The following SLC4A4 variants were observed in gnomAD, a reference collection of about 807,000 sequenced individuals.
SLC4A4 encodes the protein electrogenic sodium bicarbonate cotransporter 1.
SLC4A4 carries 27 observed loss-of-function variants against 111.5 expected under a neutral mutation model. That is an observed-to-expected ratio of 0.24 (90% confidence interval 0.18 to 0.33). The LOEUF (loss-of-function observed/expected upper bound fraction) is 0.33, where lower values mean the gene tolerates loss of function less well. Among genes scored for constraint, SLC4A4 ranks in the 10% least tolerant of loss-of-function variants. The pLI is 1.00. For missense variants in SLC4A4, 909 were observed against 1,315.5 expected (o/e 0.69, Z 4.78); for synonymous variants, 443 against 463.4 (o/e 0.96, Z 0.57).
At chr4:71,547,346 G>A (rs749717213) in intron 19 of SLC4A4, among the ~76,000 whole-genome samples, 1 of 152,002 alleles carries the variant, frequency 6.6e-6, no homozygotes, top group Non-Finnish European at 1.5e-5. Context: ...AAAGAGTCCA[G>A]TAATTGATGG....
chr4:71,519,002 G>A (rs751120088), intron 16 of SLC4A4, among the ~76,000 whole-genome samples: 1 of 152,176 alleles, frequency 6.6e-6, no homozygotes, highest in African/African-American at 2.4e-5. Context: ...CCCTCTCCAG[G>A]ATGTGTTGCC....
rs1361157050 is a variant in SLC4A4, at chr4:71,570,861, T to C, written c.*3110T>C. ...TGAATACTTGGAATTCTAATTGTTT[T>C]GTGTGCCAGGGGCAGTAATGTCCCT... On this transcript the variant is annotated 3_prime_UTR_variant, in exon 26 of 26. Transcript: ENST00000264485. The C allele has an allele frequency of 6.6e-6, 1 of 151,952 alleles. No individual in the cohort carries two copies. Among genetic ancestry groups the C allele is most frequent in the African/African-American group, 2.4e-5 (1 of 41,394 alleles). The allele number at this position is 151,952 out of a possible 1,614,324, so 9.4% of individuals were successfully genotyped here. A position where few individuals can be genotyped will look rare whatever the true frequency, so the allele number is the denominator to read the frequency against.
At chr4:71,526,749 G>C (rs1733454460) in intron 16 of SLC4A4, among the ~76,000 whole-genome samples, 1 of 152,146 alleles carries the variant, frequency 6.6e-6, no homozygotes, top group Admixed American at 6.6e-5. Flanking sequence ...GCCTCAGTGG[G>C]CTAAAATCAA....
chr4:71,357,304 A>G, intron 6 of SLC4A4, 117 bp downstream of exon 6: 1 of 989,066 alleles, frequency 1.0e-6, no homozygotes, highest in East Asian at 2.4e-5. Flanking sequence ...TTGAGTTCAT[A>G]TGCCATAGTC....
At position 71,497,534 on chromosome 4, in the gene SLC4A4, T is replaced by A. The variant is rs1239725774; in HGVS notation, c.2008T>A (p.Ser670Thr). 2 of 1,613,598 alleles carry A rather than the reference T, an allele frequency of 1.2e-6. No homozygotes were observed. Among genetic ancestry groups the A allele is most frequent in the Non-Finnish European group, 1.7e-6 (2 of 1,179,774 alleles). Residue 670 changes from serine to threonine, a missense_variant, in exon 16 of 26, where the codon TCG (serine) becomes ACG (threonine). Ser to Thr is a moderately conservative substitution (Grantham distance 58). Coordinates refer to ENST00000264485, the MANE Select transcript of SLC4A4 (RefSeq NM_001098484.3). ...TACTACCTTTGACTGGGCATTTTTG[T>A]CGAAGAAGGAGTGTTCAAAATACGG... Reference protein sequence around the residue: ...HNTTFDWAFLSKKECSKYGGN... With the variant: ...HNTTFDWAFLTKKECSKYGGN...
In SLC4A4 at chr4:71,117,589, A is replaced by T. The variant is rs557382809; in HGVS notation, c.-2+24797A>T. 2.3e-4 allele frequency among the ~76,000 whole-genome samples: 35 copies of T among 152,294 alleles called. No individual in the cohort carries two copies. The East Asian group carries it at 6.2e-3, about 27-fold the overall frequency. On this transcript the variant is annotated intron_variant, in intron 2 of 26. Coordinates refer to the SLC4A4 transcript ENST00000649996. ...CTCTTTCCTCTAGAGACTTCTCTAA[A>T]ATGAAAGTAAAGAATAAAAACTCTT...
intron 16 of SLC4A4, among the ~76,000 whole-genome samples, chr4:71,531,010 G>T (rs7683903): frequency 6.6e-6 from 1 of 152,028 alleles, no homozygotes; most frequent in East Asian, 1.9e-4. Flanking sequence ...GACATGAATT[G>T]TATCGGTTTT....
chr4:71,324,547 C>T (rs765545670), intron 3 of SLC4A4, among the ~76,000 whole-genome samples: 3 of 151,888 alleles, frequency 2.0e-5, no homozygotes, highest in African/African-American at 4.8e-5. Context: ...GGCTTAGCAG[C>T]GTTTTAAAAA....
At chr4:71,413,394 C>T (rs1455527538) in intron 7 of SLC4A4, among the ~76,000 whole-genome samples, 3 of 152,170 alleles carry the variant, frequency 2.0e-5, no homozygotes, top group Non-Finnish European at 4.4e-5. Context: ...TGTTTTACCT[C>T]AACTGTCTTT....
At chr4:71,488,682 G>A (rs1729629372) in intron 15 of SLC4A4, among the ~76,000 whole-genome samples, 2 of 151,724 alleles carry the variant, frequency 1.3e-5, no homozygotes, top group South Asian at 4.1e-4. Flanking sequence ...GATTTGAAGT[G>A]AAGTCTGGGT....
intron 13 of SLC4A4, 67 bp from the exon 14 acceptor site, chr4:71,472,632 G>T: frequency 6.7e-7 from 1 of 1,486,440 alleles, no homozygotes. Context: ...TAGACATTTG[G>T]TAGTTTTATA....
chr4:71,394,740 C>G (rs756834499), intron 6 of SLC4A4, among the ~76,000 whole-genome samples: 2 of 152,082 alleles, frequency 1.3e-5, no homozygotes, highest in Non-Finnish European at 2.9e-5. Flanking sequence ...GAATACTACT[C>G]AGCCATAAAA....
chr4:71,460,519 G>T (rs112401024), intron 12 of SLC4A4, among the ~76,000 whole-genome samples: 1 of 152,022 alleles, frequency 6.6e-6, no homozygotes, highest in African/African-American at 2.4e-5. Context: ...TTCATTTCCT[G>T]CTGGGCATTG....
intron 5 of SLC4A4, among the ~76,000 whole-genome samples, chr4:71,352,597 C>A (rs1729941006): frequency 6.6e-6 from 1 of 152,180 alleles, no homozygotes; most frequent in Non-Finnish European, 1.5e-5. Flanking sequence ...TGACCATGGG[C>A]AAGGCCAGTT....
intron 16 of SLC4A4, among the ~76,000 whole-genome samples, chr4:71,516,379 G>A (rs560688381): frequency 6.6e-6 from 1 of 152,122 alleles, no homozygotes; most frequent in Non-Finnish European, 1.5e-5. Flanking sequence ...TTACAGGCGT[G>A]AGCCACCGCG....
At chr4:71,470,780 G>A (rs1727800359) in intron 13 of SLC4A4, among the ~76,000 whole-genome samples, 1 of 152,008 alleles carries the variant, frequency 6.6e-6, no homozygotes, top group Non-Finnish European at 1.5e-5. Flanking sequence ...TCTGAAGGCT[G>A]TCTGCTGTAG....
chr4:71,241,897 TCTC>T (rs1720264644), intron 2 of SLC4A4, among the ~76,000 whole-genome samples: 1 of 152,184 alleles, frequency 6.6e-6, no homozygotes, highest in African/African-American at 2.4e-5. Context: ...CCTGCTCCTT[TCTC>T]CTCATGGCCT....
At chr4:71,144,530 C>T in intron 2 of SLC4A4, among the ~76,000 whole-genome samples, 1 of 151,800 alleles carries the variant, frequency 6.6e-6, no homozygotes, top group East Asian at 1.9e-4. Context: ...CTATAAATTA[C>T]CTTGGGCAGT....
intron 21 of SLC4A4, among the ~76,000 whole-genome samples, chr4:71,556,776 A>G (rs1050737870): frequency 6.6e-6 from 1 of 151,978 alleles, no homozygotes; most frequent in Admixed American, 6.6e-5. Context: ...GAAAAAGAAA[A>G]CCCTTTAAGT....
Sources: gnomAD v4.1 joint callset for allele counts (sites outside exome capture counted in the v4.1 genomes callset) on GRCh38, gnomAD v4.1.1 for gene constraint, MANE v1.5 for transcripts, NCBI Gene and HGNC (gene_info 2026-07-23, HGNC 2026-07-21) for gene names.